RNF216: variants seen among roughly 807,000 people sequenced by gnomAD.
RNF216 encodes ring finger protein 216.
RNF216 carries 72 observed loss-of-function variants against 110.8 expected under a neutral mutation model. That is an observed-to-expected ratio of 0.65 (90% confidence interval 0.54 to 0.79). RNF216 has a LOEUF of 0.79. RNF216 is among the 30% of genes least tolerant of loss of function. The probability of loss-of-function intolerance (pLI) is 0.00; values close to 1 mark genes in which losing one functional copy is unlikely to be tolerated. For missense variants in RNF216, 1,342 were observed against 1,141.2 expected (o/e 1.18, Z -2.54); for synonymous variants, 495 against 407.5 (o/e 1.21, Z -2.59).
chr7:5,778,717 T>C (rs1359489210), intron 1 of RNF216, among the ~76,000 whole-genome samples: 1 of 151,734 alleles, frequency 6.6e-6, no homozygotes, highest in Non-Finnish European at 1.5e-5. Flanking sequence ...GGACTAGATA[T>C]TTTTCAGCAC....
chr7:5,701,680 C>A (rs1008473086), intron 13 of RNF216, among the ~76,000 whole-genome samples: 25 of 152,254 alleles, frequency 1.6e-4, no homozygotes, highest in Non-Finnish European at 1.6e-4. Context: ...GGTTTAATAT[C>A]AAAATCCCTT....
At chr7:5,655,105 C>T (rs556831267) in intron 13 of RNF216, among the ~76,000 whole-genome samples, 1 of 152,334 alleles carries the variant, frequency 6.6e-6, no homozygotes, top group East Asian at 1.9e-4. Flanking sequence ...ATTCATGGGT[C>T]TTCCTCATAA....
intron 13 of RNF216, among the ~76,000 whole-genome samples, chr7:5,654,167 G>A (rs1584385233): frequency 6.6e-6 from 1 of 152,322 alleles, no homozygotes; most frequent in South Asian, 2.1e-4. Flanking sequence ...AGACAAGGGT[G>A]GTGGGCAAGG....
rs765100195 is a variant in RNF216, at chr7:5,716,698, G to C, written c.1695+18C>G. ...CCATGAAAATGCCCAGAATAAACAA[G>C]GTGAGATTTCAAACTACCTTTTGAT... On this transcript the variant is annotated intron_variant, in intron 10 of 16. Transcript: ENST00000389902. 6 of 1,571,484 alleles carry C rather than the reference G, an allele frequency of 3.8e-6. No homozygotes were observed. The African/African-American group carries it at 8.2e-5, about 21-fold the overall frequency.
chr7:5,713,630 G>A (rs1792860046), intron 11 of RNF216, among the ~76,000 whole-genome samples: 1 of 152,128 alleles, frequency 6.6e-6, no homozygotes, highest in Non-Finnish European at 1.5e-5. Flanking sequence ...CAAACTCACT[G>A]GTCTATAAGC....
Position 5,721,103 on chromosome 7 carries a change from C to T in RNF216, c.1574G>A (p.Arg525Gln), listed in dbSNP as rs188558006. ...NKRRHCRSYD[R>Q]RALLPAVQQE... ...TTGCACAGCTGGAAGGAGAGCACGT[C>T]GGTCATAGGACCTACAATGTCGTCG... is the stretch of plus-strand genomic sequence containing the variant. Residue 525 changes from arginine (R) to glutamine (Q), a missense_variant, in exon 9 of 17, where the codon CGA becomes CAA. Transcript: ENST00000389902. 2.3e-4 allele frequency: 368 copies of T among 1,613,764 alleles called. No homozygotes were observed. The highest frequency in any genetic ancestry group is 3.0e-4 in the Non-Finnish European group (358 of 1,179,680).
chr7:5,762,774 T>C (rs1482996543), intron 1 of RNF216, among the ~76,000 whole-genome samples: 2 of 152,126 alleles, frequency 1.3e-5, no homozygotes, highest in East Asian at 3.8e-4. Context: ...CAGTGACTAT[T>C]TCTGGGTAAG....
At chr7:5,698,061 A>G (rs945750240) in intron 13 of RNF216, among the ~76,000 whole-genome samples, 5 of 152,178 alleles carry the variant, frequency 3.3e-5, no homozygotes, top group Non-Finnish European at 7.3e-5. Flanking sequence ...GACGGGAAAT[A>G]AAACTGAAAA....
intron 13 of RNF216, among the ~76,000 whole-genome samples, chr7:5,674,678 A>T (rs1188055583): frequency 2.0e-5 from 3 of 151,602 alleles, no homozygotes; most frequent in African/African-American, 2.4e-5. Context: ...TCCTGGGGAG[A>T]CTAGTCCAAA....
Position 5,721,115 on chromosome 7 carries a change from C to T in RNF216, c.1562G>A (p.Arg521Lys), listed in dbSNP as rs1013187651. Residue 521 changes from arginine (R) to lysine (K), a missense_variant, in exon 9 of 17, where the codon AGG (arginine) becomes AAG (lysine). Transcript: ENST00000389902. ...AAGGAGAGCACGTCGGTCATAGGAC[C>T]TACAATGTCGTCGCTTATTTTCAAG... is the stretch of plus-strand genomic sequence containing the variant. The part of the protein sequence containing the change: ...FFLENKRRHC[R>K]SYDRRALLPA... 6.2e-6 allele frequency: 10 copies of T among 1,613,846 alleles called. No homozygotes were observed. The African/African-American group carries it at 6.7e-5, about 11-fold the overall frequency.
At position 5,748,792 on chromosome 7, in the gene RNF216, G is replaced by GAGTCAAA. The variant is rs1287430245; in HGVS notation, c.201+4047_201+4053dup. ...TGCTATTAGTACTTAAGTTTTTGGG[G>GAGTCAAA]AGTCAAAAGTTATATGCAGATTTTA... On this transcript the variant is annotated intron_variant, in intron 3 of 16. Transcript: ENST00000389902. Among the ~76,000 whole-genome samples the GAGTCAAA allele has an allele frequency of 8.5e-5, 13 of 152,292 alleles. No homozygotes were observed. The East Asian group carries it at 2.5e-3, about 29-fold the overall frequency.
chr7:5,701,044 T>C (rs1045083056), intron 13 of RNF216, among the ~76,000 whole-genome samples: 13 of 152,126 alleles, frequency 8.5e-5, no homozygotes, highest in African/African-American at 2.7e-4. Flanking sequence ...ACATGAAACC[T>C]GAGAGAAGGA....
At chr7:5,703,316 C>G (rs1055863061) in intron 13 of RNF216, among the ~76,000 whole-genome samples, 2 of 152,188 alleles carry the variant, frequency 1.3e-5, no homozygotes, top group African/African-American at 4.8e-5. Context: ...ATGTGAAGGC[C>G]GTGCTCAGCA....
intron 2 of RNF216, among the ~76,000 whole-genome samples, chr7:5,754,700 G>T (rs965640663): frequency 6.6e-6 from 1 of 152,074 alleles, no homozygotes; most frequent in Non-Finnish European, 1.5e-5. Flanking sequence ...ACTGACCCAA[G>T]AAAAAGACAC....
At chr7:5,652,236 T>C (rs1788435642) in intron 14 of RNF216, among the ~76,000 whole-genome samples, 177 bp downstream of exon 14, 1 of 152,140 alleles carries the variant, frequency 6.6e-6, no homozygotes, top group Non-Finnish European at 1.5e-5. Context: ...AATAACTCCA[T>C]GAGGCTGCAG....
intron 13 of RNF216, among the ~76,000 whole-genome samples, chr7:5,670,621 T>G (rs1488823449): frequency 6.6e-6 from 1 of 152,150 alleles, no homozygotes; most frequent in Admixed American, 6.5e-5. Context: ...ATGCTTAATC[T>G]CCACCCCTAC....
chr7:5,736,729 G>A (rs1023854372), intron 5 of RNF216, among the ~76,000 whole-genome samples: 9 of 151,626 alleles, frequency 5.9e-5, no homozygotes, highest in Non-Finnish European at 1.2e-4. Flanking sequence ...CCTCTGCCCC[G>A]CCGCCCCATC....
At chr7:5,772,324 T>A (rs1357557834) in intron 1 of RNF216, among the ~76,000 whole-genome samples, 2 of 152,192 alleles carry the variant, frequency 1.3e-5, no homozygotes, top group African/African-American at 4.8e-5. Flanking sequence ...TCTCCTCAAA[T>A]TCTTACATAG....
In RNF216 at chr7:5,622,090, C is replaced by T. The variant is rs1409366009; in HGVS notation, c.*770G>A. 1 of 152,340 alleles carries T rather than the reference C, an allele frequency of 6.6e-6. No homozygotes were observed. Among genetic ancestry groups the T allele is most frequent in the Non-Finnish European group, 1.5e-5 (1 of 68,144 alleles). The allele number at this position is 152,340 out of a possible 1,614,324, so 9.4% of individuals were successfully genotyped here. A position where few individuals can be genotyped will look rare whatever the true frequency, so the allele number is the denominator to read the frequency against. On this transcript the variant is annotated 3_prime_UTR_variant, in exon 17 of 17. Transcript: ENST00000389902. ...GCAGTTGGGCTGCCCAGCAGGGCCACCAGGCCTCTGTCCCAGCTGCCTTAA... is the reference window on the plus strand; with the variant it reads ...GCAGTTGGGCTGCCCAGCAGGGCCATCAGGCCTCTGTCCCAGCTGCCTTAA...
Sources: allele counts gnomAD v4.1 joint callset (sites outside exome capture counted in the v4.1 genomes callset), GRCh38; gene constraint gnomAD v4.1.1; transcripts MANE v1.5; gene names NCBI Gene and HGNC (gene_info 2026-07-23, HGNC 2026-07-21).